The following PRDM10 variants were observed in gnomAD, a reference collection of about 807,000 sequenced individuals.
The protein encoded by PRDM10 is PR domain zinc finger protein 10.
A neutral mutation model predicts 133.1 loss-of-function variants in PRDM10; 65 were observed. That is an observed-to-expected ratio of 0.49 (90% CI 0.40 to 0.60). The LOEUF (loss-of-function observed/expected upper bound fraction) is 0.60. Among genes scored for constraint, PRDM10 ranks in the 20% least tolerant of loss-of-function variants. PRDM10 has a pLI of 0.00. For synonymous variants in PRDM10, 582 were observed against 580.4 expected (o/e 1.00, Z -0.04); for missense variants, 1,137 against 1,507.1 (o/e 0.75, Z 4.07).
At chr11:129,940,558 A>T in intron 7 of PRDM10, among the ~76,000 whole-genome samples, 1 of 152,302 alleles carries the variant, frequency 6.6e-6, no homozygotes, top group Non-Finnish European at 1.5e-5. Context: ...AATGTTGAAA[A>T]ATTTTTTTAA....
chr11:129,986,411 CA>C (rs1362116611), intron 1 of PRDM10, among the ~76,000 whole-genome samples: 1 of 152,068 alleles, frequency 6.6e-6, no homozygotes, highest in African/African-American at 2.4e-5. Context: ...TTTTTCGAGA[CA>C]GGGTCTCACT....
intron 1 of PRDM10, among the ~76,000 whole-genome samples, chr11:129,981,329 C>T (rs1291599694): frequency 1.3e-5 from 2 of 152,062 alleles, no homozygotes; most frequent in Non-Finnish European, 2.9e-5. Flanking sequence ...TCTCTCCCAC[C>T]CCAACCCATT....
chr11:129,955,318 A>T (rs957405284), intron 4 of PRDM10, among the ~76,000 whole-genome samples, 194 bp downstream of exon 4: 2 of 152,224 alleles, frequency 1.3e-5, no homozygotes, highest in African/African-American at 4.8e-5. Context: ...TTATCAGATT[A>T]TTCCAGTATA....
intron 1 of PRDM10, among the ~76,000 whole-genome samples, chr11:129,980,862 T>G (rs888065469): frequency 5.3e-5 from 4 of 75,310 alleles, no homozygotes; most frequent in African/African-American, 1.5e-4. Flanking sequence ...ACATTTCTGG[T>G]TTTTTTTTTT....
At chr11:129,910,713 C>T (rs73016839) in intron 18 of PRDM10, 57 bp from the exon 19 acceptor site, 134,435 of 1,357,334 alleles carry the variant, frequency 0.099, 6,858 homozygotes, top group Non-Finnish European at 0.1. Context: ...ATAGTGAAGA[C>T]TCACAAATAA....
chr11:129,924,556 A>G (rs1250060330), intron 12 of PRDM10, among the ~76,000 whole-genome samples: 1 of 152,208 alleles, frequency 6.6e-6, no homozygotes, highest in Non-Finnish European at 1.5e-5. Context: ...CAGAAACGGG[A>G]GTATGTCTTC....
At chr11:129,966,245 AAAAC>A (rs898869466) in intron 1 of PRDM10, among the ~76,000 whole-genome samples, 195 of 152,286 alleles carry the variant, frequency 1.3e-3, no homozygotes, top group African/African-American at 4.5e-3. Flanking sequence ...ACTCCATCTC[AAAAC>A]AAACAAACAA....
intron 1 of PRDM10, among the ~76,000 whole-genome samples, chr11:129,979,668 C>G (rs1414671248): frequency 6.6e-6 from 1 of 152,218 alleles, no homozygotes; most frequent in Non-Finnish European, 1.5e-5. Flanking sequence ...GTAAGCAAAG[C>G]TCTCGAGGAG....
chr11:129,932,775 T>C (rs57595895), intron 9 of PRDM10, among the ~76,000 whole-genome samples: 3,184 of 152,142 alleles, frequency 0.021, 96 homozygotes, highest in African/African-American at 0.072. Flanking sequence ...TTTTTTTTTT[T>C]CTCTTTTTGA....
chr11:129,928,806 C>T (rs1030512595), intron 11 of PRDM10, among the ~76,000 whole-genome samples: 1 of 152,182 alleles, frequency 6.6e-6, no homozygotes, highest in African/African-American at 2.4e-5. Context: ...CCTTCCACTG[C>T]ACCCCTGCTA....
chr11:129,917,577 C>T (rs1311565207), intron 14 of PRDM10, among the ~76,000 whole-genome samples: 2 of 152,208 alleles, frequency 1.3e-5, no homozygotes, highest in African/African-American at 4.8e-5. Context: ...TCATGCAAAC[C>T]TGTCTTTCAT....
At chr11:129,944,152 C>A (rs1449803907) in intron 6 of PRDM10, among the ~76,000 whole-genome samples, 1 of 152,162 alleles carries the variant, frequency 6.6e-6, no homozygotes, top group South Asian at 2.1e-4. Flanking sequence ...ACCCTGCCAA[C>A]GCCATGATCT....
intron 1 of PRDM10, among the ~76,000 whole-genome samples, chr11:129,963,424 G>C (rs1459627275): frequency 6.6e-6 from 1 of 150,712 alleles, no homozygotes; most frequent in East Asian, 2.0e-4. Context: ...GAGAAGAGAA[G>C]AGAAGAGAAG....
intron 1 of PRDM10, among the ~76,000 whole-genome samples, chr11:130,001,039 C>T (rs1427347452): frequency 2.6e-5 from 4 of 152,062 alleles, no homozygotes; most frequent in Non-Finnish European, 5.9e-5. Flanking sequence ...CCCGGGAGGT[C>T]GAGTCGGCAG....
intron 10 of PRDM10, 64 bp downstream of exon 10, chr11:129,932,038 G>A (rs946610539): frequency 1.0e-5 from 16 of 1,556,436 alleles, no homozygotes; most frequent in African/African-American, 8.1e-5. Flanking sequence ...CTTAGGTCTC[G>A]TCAGGGATCT....
rs558854385 is a variant in PRDM10, at chr11:129,931,340, A to G, written c.1288-82T>C. On this transcript the variant is annotated intron_variant, in intron 10 of 20. Transcript: ENST00000360871. The stretch of plus-strand genomic sequence containing the variant: ...ATTTAGAATTGCTGCTTATTTCAGA[A>G]TGACTAGATTCATAATACTCAGAAA... 1,441 of 1,489,324 alleles carry G rather than the reference A, an allele frequency of 9.7e-4. 5 individuals are homozygous for G. Among genetic ancestry groups the G allele is most frequent in the Non-Finnish European group, 1.2e-3 (1,303 of 1,106,274 alleles). The allele number at this position is 1,489,324 out of a possible 1,614,324, so 92.3% of individuals were successfully genotyped here.
chr11:130,001,854 G>A (rs1939405679), intron 1 of PRDM10, among the ~76,000 whole-genome samples: 1 of 151,952 alleles, frequency 6.6e-6, no homozygotes. Flanking sequence ...GGCGGACTGG[G>A]GCAGGGCCGC....
chr11:129,941,420 G>A (rs1034352553), intron 7 of PRDM10, among the ~76,000 whole-genome samples: 1 of 151,946 alleles, frequency 6.6e-6, no homozygotes, highest in Non-Finnish European at 1.5e-5. Flanking sequence ...ATCAGAAGTC[G>A]GCACATAGGA....
At chr11:129,915,921 AAACT>A (rs10561615) in intron 15 of PRDM10, 61 bp from the exon 16 acceptor site, 508,128 of 1,474,432 alleles carry the variant, frequency 0.34, 89,478 homozygotes, top group Middle Eastern at 0.39. Flanking sequence ...TGCTTAAAGC[AAACT>A]AACAATTTCA....
Sources: gnomAD v4.1 joint callset for allele counts (sites outside exome capture counted in the v4.1 genomes callset) on GRCh38, gnomAD v4.1.1 for gene constraint, MANE v1.5 for transcripts, NCBI Gene and HGNC (gene_info 2026-07-23, HGNC 2026-07-21) for gene names.